Variants in UGT1A7 observed in about 807,000 individuals in gnomAD.
The protein encoded by UGT1A7 is UDP-glucuronosyltransferase 1A7.
Under a neutral mutation model 45.6 loss-of-function variants are expected in UGT1A7, and 33 were observed. That is an observed-to-expected ratio of 0.72 (90% CI 0.55 to 0.97). The LOEUF is 0.97. Ranked by LOEUF, UGT1A7 falls within the 50% of genes least tolerant of loss-of-function variation. The pLI is 0.00. For missense variants in UGT1A7, 684 were observed against 666.2 expected, an observed-to-expected ratio of 1.03 and a Z score of -0.29; for synonymous variants, 274 against 250.6, an observed-to-expected ratio of 1.09 and a Z score of -0.88.
At chr2:233,747,272 T>G (rs1693606850) in intron 1 of UGT1A7, 7 of 1,598,964 alleles carry the variant, frequency 4.4e-6, no homozygotes, top group Non-Finnish European at 6.0e-6. Context: ...CTACTCCTTC[T>G]CAGTGCCCAG....
intron 1 of UGT1A7, chr2:233,729,394 G>T: frequency 1.2e-6 from 2 of 1,613,862 alleles, no homozygotes; most frequent in Non-Finnish European, 1.7e-6. Context: ...GGATGAATTT[G>T]ATCGCCATGT....
intron 1 of UGT1A7, among the ~76,000 whole-genome samples, chr2:233,720,689 A>G (rs964540844): frequency 1.3e-5 from 2 of 151,520 alleles, no homozygotes; most frequent in Non-Finnish European, 2.9e-5. Flanking sequence ...TTCTAAATCC[A>G]TTAAGGGAGC....
intron 1 of UGT1A7, among the ~76,000 whole-genome samples, chr2:233,726,606 T>C (rs1453810186): frequency 1.3e-5 from 2 of 152,194 alleles, no homozygotes; most frequent in Admixed American, 6.5e-5. Flanking sequence ...GTGATTACAC[T>C]GTCCTGCCCA....
chr2:233,712,992 A>T (rs1437373370), intron 1 of UGT1A7: 1 of 1,613,364 alleles, frequency 6.2e-7, no homozygotes, highest in South Asian at 1.1e-5. Flanking sequence ...TTCTGCTGAG[A>T]TGGCCACAGG....
chr2:233,723,457 G>A (rs1279798549), intron 1 of UGT1A7, among the ~76,000 whole-genome samples: 3 of 136,216 alleles, frequency 2.2e-5, no homozygotes, highest in African/African-American at 5.8e-5. Context: ...TGATCCACCC[G>A]CCTCAGCCTC....
intron 1 of UGT1A7, among the ~76,000 whole-genome samples, chr2:233,698,062 A>G (rs907495284): frequency 1.3e-5 from 2 of 152,196 alleles, no homozygotes; most frequent in Non-Finnish European, 2.9e-5. Flanking sequence ...AGTTATATTG[A>G]GAAACTGGGC....
At chr2:233,700,848 A>T (rs1341869131) in intron 1 of UGT1A7, among the ~76,000 whole-genome samples, 2 of 151,952 alleles carry the variant, frequency 1.3e-5, no homozygotes, top group Non-Finnish European at 2.9e-5. Flanking sequence ...CATTAGGTAT[A>T]TCTCCTAATG....
At chr2:233,707,162 C>A (rs2075944587) in intron 1 of UGT1A7, among the ~76,000 whole-genome samples, 1 of 152,100 alleles carries the variant, frequency 6.6e-6, no homozygotes, top group Non-Finnish European at 1.5e-5. Context: ...TTATCAGCAC[C>A]CAGACATCCA....
chr2:233,761,161 G>A lies in UGT1A7; in HGVS notation c.856-5873G>A, dbSNP rs1276914496. ...AAATCCACTATCCCAGGTGTGTATT[G>A]GAGTGGGACTTTTACATGCGTATAT... is the stretch of plus-strand genomic sequence containing the variant. On this transcript the variant is annotated intron_variant, in intron 1 of 4. Transcript: ENST00000373426. The A allele has an allele frequency of 6.2e-7, 1 of 1,614,176 alleles. No homozygotes were observed. The highest frequency in any genetic ancestry group is 1.7e-5 in the Admixed American group (1 of 60,028).
chr2:233,685,233 A>C (rs1021314023), intron 1 of UGT1A7, among the ~76,000 whole-genome samples: 6 of 152,146 alleles, frequency 3.9e-5, no homozygotes. Flanking sequence ...GGGTTTCACC[A>C]TGTTGGCCAG....
intron 1 of UGT1A7, among the ~76,000 whole-genome samples, chr2:233,705,227 T>G (rs1012532706): frequency 6.6e-6 from 1 of 152,202 alleles, no homozygotes; most frequent in Non-Finnish European, 1.5e-5. Flanking sequence ...TTATCAGTGC[T>G]TTTTTTCTGT....
chr2:233,724,290 G>C (rs2077209364), intron 1 of UGT1A7, among the ~76,000 whole-genome samples: 1 of 136,792 alleles, frequency 7.3e-6, no homozygotes, highest in African/African-American at 2.8e-5. Flanking sequence ...GCGGGGGGCT[G>C]ACCCCCCCAC....
chr2:233,750,287 A>AT (rs1158037876), intron 1 of UGT1A7, among the ~76,000 whole-genome samples: 1 of 151,952 alleles, frequency 6.6e-6, no homozygotes, highest in Non-Finnish European at 1.5e-5. Context: ...GACTGGTGGC[A>AT]TTTTGCCCCT....
intron 1 of UGT1A7, among the ~76,000 whole-genome samples, chr2:233,715,664 C>T (rs547065992): frequency 3.3e-5 from 5 of 152,030 alleles, no homozygotes; most frequent in African/African-American, 4.8e-5. Context: ...CCCAGCTACT[C>T]GGGAGGCTGA....
intron 1 of UGT1A7, among the ~76,000 whole-genome samples, chr2:233,759,584 C>T (rs1003659930): frequency 4.0e-5 from 6 of 149,692 alleles, no homozygotes; most frequent in Non-Finnish European, 3.0e-5. Flanking sequence ...TACCCCAGCA[C>T]GCCCCCCACC....
intron 1 of UGT1A7, among the ~76,000 whole-genome samples, chr2:233,752,134 G>C (rs1265707864): frequency 6.6e-6 from 1 of 152,180 alleles, no homozygotes; most frequent in Non-Finnish European, 1.5e-5. Context: ...GGACAGAAAG[G>C]ATCATTCCCT....
At chr2:233,684,747 A>G (rs1371238360) in intron 1 of UGT1A7, among the ~76,000 whole-genome samples, 1 of 152,136 alleles carries the variant, frequency 6.6e-6, no homozygotes, top group Non-Finnish European at 1.5e-5. Context: ...TATAATTATC[A>G]AAGAAGAATT....
intron 1 of UGT1A7, among the ~76,000 whole-genome samples, chr2:233,726,980 A>G (rs1337493620): frequency 1.3e-5 from 2 of 152,116 alleles, no homozygotes; most frequent in Non-Finnish European, 2.9e-5. Context: ...TTAGATTTTG[A>G]TGAGGTTCTT....
Position 233,681,965 on chromosome 2 carries a change from C to T in UGT1A7, c.28C>T (p.Leu10Phe). ...GGCTCGTGCAGGGTGGACTGGCCTC[C>T]TTCCCCTATATGTGTGTCTACTGCT... The part of the protein sequence containing the change: MARAGWTGL[L>F]PLYVCLLLTC... The change falls in exon 1 of 5, where the codon CTT becomes TTT. Residue 10 changes from leucine (L) to phenylalanine (F), a missense_variant. Transcript: ENST00000373426. The T allele has an allele frequency of 2.5e-6, 4 of 1,614,102 alleles. No homozygotes were observed. Among genetic ancestry groups the T allele is most frequent in the Non-Finnish European group, 3.4e-6 (4 of 1,179,966 alleles).
Sources: allele counts gnomAD v4.1 joint callset (sites outside exome capture counted in the v4.1 genomes callset), GRCh38; gene constraint gnomAD v4.1.1; transcripts MANE v1.5; gene names NCBI Gene and HGNC (gene_info 2026-07-23, HGNC 2026-07-21).